Variants in LPCAT1 observed in about 807,000 individuals in gnomAD.
The protein encoded by LPCAT1 is 1-acylglycerol-3-phosphate O-acyltransferase.
LPCAT1 carries 23 observed loss-of-function variants against 60.9 expected under a neutral mutation model. The ratio of observed to expected loss-of-function variants is 0.38; its 90% CI spans 0.27 to 0.53. LPCAT1 has a LOEUF of 0.53. Among genes scored for constraint, LPCAT1 ranks in the 20% least tolerant of loss-of-function variants. The pLI, the probability that LPCAT1 is intolerant of heterozygous loss-of-function variation, is 0.82. For missense variants in LPCAT1, 622 were observed against 723.6 expected (o/e 0.86, Z 1.61); for synonymous variants, 340 against 301.1 (o/e 1.13, Z -1.34).
intron 3 of LPCAT1, 94 bp from the exon 4 acceptor site, chr5:1,489,952 G>T: frequency 1.1e-6 from 1 of 900,592 alleles, no homozygotes; most frequent in Non-Finnish European, 1.8e-6. Context: ...GCGCCCAGTG[G>T]GGCGGGAGAC....
intron 13 of LPCAT1, among the ~76,000 whole-genome samples, chr5:1,465,383 AAC>A (rs199542321): frequency 0.056 from 8,101 of 145,814 alleles, 831 homozygotes; most frequent in African/African-American, 0.19. Context: ...CACACACGGT[AAC>A]ACACATGCGC....
intron 11 of LPCAT1, among the ~76,000 whole-genome samples, chr5:1,472,936 A>G (rs1734743791): frequency 6.6e-6 from 1 of 151,970 alleles, no homozygotes; most frequent in Admixed American, 6.6e-5. Flanking sequence ...CTTGGTTCAC[A>G]CTCTGCATAC....
rs184256966 is a variant in LPCAT1, at chr5:1,519,703, G to A, written c.135+4007C>T. Among the ~76,000 whole-genome samples, 221 of 152,336 alleles carry A rather than the reference G, an allele frequency of 1.5e-3. 1 individual carries two copies. The highest frequency in any genetic ancestry group is 4.6e-3 in the African/African-American group (193 of 41,574). Reference sequence around the variant, plus strand: ...GCAAAGGATGACAGTGACCAGAGGCGAGGACACGGGAAAATGACGCTTGGG... The same window carrying A: ...GCAAAGGATGACAGTGACCAGAGGCAAGGACACGGGAAAATGACGCTTGGG... On this transcript the variant is annotated intron_variant, in intron 1 of 13. Transcript: ENST00000283415.
chr5:1,479,605 C>G lies in LPCAT1; in HGVS notation c.816+16G>C, dbSNP rs1383864578. On this transcript the variant is annotated intron_variant, in intron 8 of 13. Transcript: ENST00000283415. ...CCACTGTGAAGAGCGCTGTGTAACT[C>G]TGTATCCATACGAACCTCGATTTCC... 1 of 1,585,554 alleles carries G rather than the reference C, an allele frequency of 6.3e-7. No homozygotes were observed. Among genetic ancestry groups the G allele is most frequent in the Non-Finnish European group, 8.7e-7 (1 of 1,154,092 alleles).
At chr5:1,515,785 G>A (rs1177458332) in intron 1 of LPCAT1, among the ~76,000 whole-genome samples, 1 of 152,122 alleles carries the variant, frequency 6.6e-6, no homozygotes, top group Non-Finnish European at 1.5e-5. Context: ...AGCTGCAGGA[G>A]TGCCTCTGTC....
At chr5:1,513,310 T>G (rs1314846186) in intron 1 of LPCAT1, among the ~76,000 whole-genome samples, 1 of 151,840 alleles carries the variant, frequency 6.6e-6, no homozygotes, top group Non-Finnish European at 1.5e-5. Context: ...ACATATGACG[T>G]CCCCCATGTC....
At chr5:1,486,796 G>A (rs747862911) in intron 5 of LPCAT1, among the ~76,000 whole-genome samples, 4 of 152,168 alleles carry the variant, frequency 2.6e-5, no homozygotes, top group Admixed American at 1.3e-4. Flanking sequence ...CCGGAAACCC[G>A]GGCCTGCAGG....
At chr5:1,512,303 C>T (rs567724651) in intron 1 of LPCAT1, among the ~76,000 whole-genome samples, 23 of 152,314 alleles carry the variant, frequency 1.5e-4, no homozygotes, top group Admixed American at 2.6e-4. Flanking sequence ...CGGCCACACC[C>T]GCCTTCGGAG....
At chr5:1,517,218 G>GT (rs1217516734) in intron 1 of LPCAT1, among the ~76,000 whole-genome samples, 1 of 152,112 alleles carries the variant, frequency 6.6e-6, no homozygotes, top group Non-Finnish European at 1.5e-5. Context: ...GGAGGGGACG[G>GT]TCGCGGCTCC....
At position 1,502,683 on chromosome 5, in the gene LPCAT1, G is replaced by A. The variant is rs534642794; in HGVS notation, c.136-1080C>T. Among the ~76,000 whole-genome samples, 1 of 152,254 alleles carries A rather than the reference G, an allele frequency of 6.6e-6. No individual in the cohort carries two copies. The highest frequency in any genetic ancestry group is 2.4e-5 in the African/African-American group (1 of 41,546). ...GGGTGAGGGGAAACACCAGTCCTGA[G>A]GTGCAGGTTTAGTGCAGAGACAGAA... On this transcript the variant is annotated intron_variant, in intron 1 of 13. Transcript: ENST00000283415. The surrounding 1 kb of genome is among the most constrained non-coding windows in gnomAD (Gnocchi z 5.5).
intron 2 of LPCAT1, among the ~76,000 whole-genome samples, chr5:1,497,864 C>T (rs373259195): frequency 4.0e-4 from 61 of 152,320 alleles, no homozygotes; most frequent in African/African-American, 1.3e-3. Flanking sequence ...CTGAACCATC[C>T]GGTCAGCCAA....
chr5:1,487,654 G>A lies in LPCAT1; in HGVS notation c.667+737C>T, dbSNP rs902883698. Among the ~76,000 whole-genome samples, 2 of 152,284 alleles carry A rather than the reference G, an allele frequency of 1.3e-5. No homozygotes were observed. The highest frequency in any genetic ancestry group is 2.1e-4 in the South Asian group (1 of 4,826). On this transcript the variant is annotated intron_variant, in intron 5 of 13. Coordinates refer to ENST00000283415, the MANE Select transcript of LPCAT1 (RefSeq NM_024830.5). The surrounding 1 kb of genome is among the most constrained non-coding windows in gnomAD (Gnocchi z 6.1). ...GTGAGCGAGGAACTGGCTTTTCCAC[G>A]TGACTCTGATCCAACCACAGAGAAC...
chr5:1,488,483 T>G lies in LPCAT1; in HGVS notation c.607-32A>C, dbSNP rs369188408. 2.6e-4 allele frequency: 358 copies of G among 1,402,676 alleles called. 5 individuals are homozygous for G. The highest frequency in any genetic ancestry group is 1.0e-4 in the Admixed American group (5 of 47,960). 86.9% of individuals were successfully genotyped at this position (1,402,676 alleles called of 1,614,324 possible). On this transcript the variant is annotated intron_variant, in intron 4 of 13. Coordinates refer to ENST00000283415, the MANE Select transcript of LPCAT1 (RefSeq NM_024830.5). ...GTGGGAGAAAGAAAAGGATCAGCATTAAACTGTACATAATTATAATTCAGA... is the reference window on the plus strand; with the variant it reads ...GTGGGAGAAAGAAAAGGATCAGCATGAAACTGTACATAATTATAATTCAGA...
intron 8 of LPCAT1, among the ~76,000 whole-genome samples, chr5:1,479,147 G>A (rs1022298920): frequency 3.3e-5 from 5 of 152,186 alleles, no homozygotes; most frequent in Non-Finnish European, 4.4e-5. Context: ...TGTGATCCCC[G>A]CACTTTAGGA....
rs1287407099 is a variant in LPCAT1 at position 1,483,308 on chromosome 5, T to C, written c.726+120A>G. ...CGGATGGACTCAGCATGGCCAAGTGTGGGCTGTGGCGCAGATAAAGGGTGT... is the reference window on the plus strand; with the variant it reads ...CGGATGGACTCAGCATGGCCAAGTGCGGGCTGTGGCGCAGATAAAGGGTGT... On this transcript the variant is annotated intron_variant, in intron 6 of 13. Coordinates refer to ENST00000283415, the MANE Select transcript of LPCAT1 (RefSeq NM_024830.5). The surrounding 1 kb of genome is among the most constrained non-coding windows in gnomAD (Gnocchi z 9.2). 2 of 1,111,476 alleles carry C rather than the reference T, an allele frequency of 1.8e-6. No homozygotes were observed. Among genetic ancestry groups the C allele is most frequent in the African/African-American group, 3.1e-5 (2 of 65,312 alleles). The allele number at this position is 1,111,476 out of a possible 1,614,324, so 68.9% of individuals were successfully genotyped here. A position where few individuals can be genotyped will look rare whatever the true frequency, so the allele number is the denominator to read the frequency against.
At position 1,474,555 on chromosome 5, in the gene LPCAT1, C is replaced by A. The variant is rs760486775; in HGVS notation, c.1025+5G>T. On this transcript the variant is annotated splice_donor_5th_base_variant and intron_variant, in intron 10 of 13. Transcript: ENST00000283415. ...ATGCTCAAGGAAGAAGAACCAGGTACTCACCCGAGGCCCCGCACGAGCCTG... is the reference window on the plus strand; with the variant it reads ...ATGCTCAAGGAAGAAGAACCAGGTAATCACCCGAGGCCCCGCACGAGCCTG... 1 of 1,613,664 alleles carries A rather than the reference C, an allele frequency of 6.2e-7. No homozygotes were observed. The highest frequency in any genetic ancestry group is 8.5e-7 in the Non-Finnish European group (1 of 1,179,844).
intron 11 of LPCAT1, 63 bp downstream of exon 11, chr5:1,473,894 A>C: frequency 6.4e-7 from 1 of 1,569,414 alleles, no homozygotes; most frequent in East Asian, 2.3e-5. Context: ...GAATGAGAAC[A>C]ATTTATGCTT....
chr5:1,461,982 G>C lies in LPCAT1; in HGVS notation c.*1669C>G, dbSNP rs1734115624. 1.3e-5 allele frequency: 2 copies of C among 152,470 alleles called. No homozygotes were observed. 9.4% of individuals were successfully genotyped at this position (152,470 alleles called of 1,614,324 possible). A position where few individuals can be genotyped will look rare whatever the true frequency, so the allele number is the denominator to read the frequency against. ...CCAACACGCCAAGAGCCCTGAAATT[G>C]ACTTCGGTTTACTCCATCCCTGTCT... On this transcript the variant is annotated 3_prime_UTR_variant, in exon 14 of 14. Coordinates refer to ENST00000283415, the MANE Select transcript of LPCAT1 (RefSeq NM_024830.5).
chr5:1,499,123 G>A (rs1345347896), intron 2 of LPCAT1, among the ~76,000 whole-genome samples: 1 of 152,214 alleles, frequency 6.6e-6, no homozygotes, highest in African/African-American at 2.4e-5. Context: ...ATAAGAGTCC[G>A]TTGTGGTCCA....
Sources: allele counts gnomAD v4.1 joint callset (sites outside exome capture counted in the v4.1 genomes callset), GRCh38; gene constraint gnomAD v4.1.1; non-coding constraint Gnocchi (gnomAD v3.1); transcripts MANE v1.5; gene names NCBI Gene and HGNC (gene_info 2026-07-23, HGNC 2026-07-21).